NBEA: variants seen among roughly 807,000 people sequenced by gnomAD.
NBEA encodes the protein neurobeachin.
In NBEA, 44 loss-of-function variants were observed where a neutral mutation model predicts 343.4. The observed-to-expected ratio is 0.13, with a 90% CI of 0.10 to 0.16. NBEA has a LOEUF of 0.16. Among genes scored for constraint, NBEA ranks in the 10% least tolerant of loss-of-function variants. NBEA has a pLI of 1.00. For synonymous variants in NBEA, 1,175 were observed against 1,238.7 expected, an observed-to-expected ratio of 0.95 and a Z score of 1.08; for missense variants, 2,555 against 3,631.3, an observed-to-expected ratio of 0.70 and a Z score of 7.62.
At chr13:35,580,751 AT>A (rs1474288181) in intron 45 of NBEA, among the ~76,000 whole-genome samples, 2 of 152,222 alleles carry the variant, frequency 1.3e-5, no homozygotes, top group Non-Finnish European at 2.9e-5. Context: ...TTCTAACCTT[AT>A]TAGGTAAAAA....
In NBEA at chr13:35,584,011, A is replaced by T; in HGVS notation, c.7149A>T (p.Thr2383=). 1.2e-6 allele frequency: 2 copies of T among 1,613,602 alleles called. No homozygotes were observed. The highest frequency in any genetic ancestry group is 2.2e-5 in the East Asian group (1 of 44,834). ...YHYNTHYSTA[T]STLSWLVRIE... ...ATAATACCCATTATTCAACAGCAAC[A>T]TCTACTTTATCCTGGCTTGTTCGAA... Residue 2383 remains threonine (T), a synonymous_variant, in exon 46 of 59, where the codon ACA becomes ACT. Transcript: ENST00000379939.
At chr13:35,648,413 G>T (rs971022933) in intron 51 of NBEA, among the ~76,000 whole-genome samples, 2 of 151,940 alleles carry the variant, frequency 1.3e-5, no homozygotes, top group Admixed American at 6.6e-5. Context: ...CTGTCCAGAA[G>T]AATATCTCTA....
intron 38 of NBEA, among the ~76,000 whole-genome samples, chr13:35,429,866 A>G (rs1393254390): frequency 6.8e-6 from 1 of 147,264 alleles, no homozygotes; most frequent in East Asian, 2.0e-4. Context: ...TCACTGATTG[A>G]TGGGTATTTG....
chr13:35,446,996 ATTG>A (rs1184924561), intron 39 of NBEA, among the ~76,000 whole-genome samples: 7 of 152,050 alleles, frequency 4.6e-5, no homozygotes, highest in Admixed American at 1.3e-4. Flanking sequence ...TAGCTAACCT[ATTG>A]TTGTGAATTA....
At chr13:35,088,440 C>A (rs936822470) in intron 10 of NBEA, among the ~76,000 whole-genome samples, 6 of 151,786 alleles carry the variant, frequency 4.0e-5, no homozygotes, top group Admixed American at 3.3e-4. Flanking sequence ...CCATGGTTAG[C>A]CATAGCCATG....
chr13:35,381,650 A>C (rs1350009858), intron 38 of NBEA, among the ~76,000 whole-genome samples: 1 of 152,078 alleles, frequency 6.6e-6, no homozygotes, highest in Non-Finnish European at 1.5e-5. Flanking sequence ...TCAATCAAGG[A>C]GGATCTTGAA....
intron 1 of NBEA, among the ~76,000 whole-genome samples, chr13:35,032,307 C>T (rs887063148): frequency 6.6e-6 from 1 of 151,734 alleles, no homozygotes; most frequent in Non-Finnish European, 1.5e-5. Context: ...ACTTCACCAG[C>T]ACCTGTTATT....
At chr13:35,097,793 T>C (rs867761729) in intron 10 of NBEA, among the ~76,000 whole-genome samples, 3 of 152,156 alleles carry the variant, frequency 2.0e-5, no homozygotes, top group Middle Eastern at 3.4e-3. Context: ...ACATGTTACA[T>C]ATTTCTCTGG....
At chr13:35,425,429 T>G (rs1237312863) in intron 38 of NBEA, among the ~76,000 whole-genome samples, 1 of 152,184 alleles carries the variant, frequency 6.6e-6, no homozygotes, top group Non-Finnish European at 1.5e-5. Flanking sequence ...AGGAGCAGGT[T>G]GTTCAGTTTC....
At chr13:35,395,420 C>T (rs577110208) in intron 38 of NBEA, among the ~76,000 whole-genome samples, 2 of 151,990 alleles carry the variant, frequency 1.3e-5, no homozygotes, top group Non-Finnish European at 2.9e-5. Context: ...GCTTCCCCTT[C>T]GCCTTCTGCC....
intron 49 of NBEA, among the ~76,000 whole-genome samples, chr13:35,643,952 T>G (rs1004786356): frequency 7.2e-5 from 11 of 152,048 alleles, no homozygotes; most frequent in Non-Finnish European, 1.5e-4. Flanking sequence ...GGGGAGCAGG[T>G]GAAGAAAGAT....
At chr13:35,138,239 T>A (rs1164594744) in intron 17 of NBEA, among the ~76,000 whole-genome samples, 1 of 152,078 alleles carries the variant, frequency 6.6e-6, no homozygotes, top group Non-Finnish European at 1.5e-5. Flanking sequence ...ACCTTAATAG[T>A]AGAAATATAA....
At chr13:35,274,428 G>C (rs2034426866) in intron 34 of NBEA, among the ~76,000 whole-genome samples, 1 of 152,142 alleles carries the variant, frequency 6.6e-6, no homozygotes, top group Admixed American at 6.6e-5. Context: ...GCAAAAACTG[G>C]AAGCATTCCC....
intron 17 of NBEA, among the ~76,000 whole-genome samples, chr13:35,127,794 A>T (rs2067206688): frequency 6.6e-6 from 1 of 152,146 alleles, no homozygotes; most frequent in Non-Finnish European, 1.5e-5. Context: ...AATATTTAAG[A>T]TCTGTATGGA....
In NBEA at chr13:35,316,869, G is replaced by GT. The variant is rs554404470; in HGVS notation, c.5903+7285dup. ...TTTCTCTAATGACGAGGGATGATGAGTTTTTTTTCATATACTTGTTGACCA... is the reference window on the plus strand; with the variant it reads ...TTTCTCTAATGACGAGGGATGATGAGTTTTTTTTTCATATACTTGTTGACCA... On this transcript the variant is annotated intron_variant, in intron 36 of 58. Coordinates refer to ENST00000379939, the MANE Select transcript of NBEA (RefSeq NM_001385012.1). Among the ~76,000 whole-genome samples, 418 of 152,150 alleles carry GT rather than the reference G, an allele frequency of 2.7e-3. 1 individual carries two copies. Among genetic ancestry groups the GT allele is most frequent in the African/African-American group, 9.7e-3 (401 of 41,496 alleles).
At position 35,161,805 on chromosome 13, in the gene NBEA, G is replaced by T. The variant is rs1287005957; in HGVS notation, c.3917G>T (p.Gly1306Val). ...QQDRDLRVDL[G>V]FRGMPMTEEQ... Reference sequence around the variant, plus strand: ...GACCGAGATCTCCGAGTTGATTTAGGATTTCGAGGAATGCCAATGACTGAG... The same window carrying T: ...GACCGAGATCTCCGAGTTGATTTAGTATTTCGAGGAATGCCAATGACTGAG... The change falls in exon 23 of 59, where the codon GGA (glycine) becomes GTA (valine). Residue 1306 changes from glycine (G) to valine (V), a missense_variant. Physicochemically the swap from Gly to Val is moderately radical, Grantham distance 109. Around this residue, in one of 21 missense-constraint regions of NBEA, gnomAD observed 367 missense variants for 377.5 expected, o/e 0.97. Transcript: ENST00000379939. 1 of 1,612,418 alleles carries T rather than the reference G, an allele frequency of 6.2e-7. No homozygotes were observed.
At chr13:35,397,328 T>C (rs973002648) in intron 38 of NBEA, among the ~76,000 whole-genome samples, 6 of 152,212 alleles carry the variant, frequency 3.9e-5, no homozygotes, top group East Asian at 1.9e-4. Context: ...CTTTTCATCA[T>C]TGAGCTGTCA....
Position 35,195,851 on chromosome 13 carries a change from T to C in NBEA, c.4928-13T>C. On this transcript the variant is annotated splice_polypyrimidine_tract_variant and intron_variant, in intron 30 of 58. Transcript: ENST00000379939. ...TTCAAAGCTTTTTTCTAACCTAGTTTCTTTCATTACAGAAACACCTGCTGC... is the reference window on the plus strand; with the variant it reads ...TTCAAAGCTTTTTTCTAACCTAGTTCCTTTCATTACAGAAACACCTGCTGC... The C allele has an allele frequency of 1.3e-6, 2 of 1,554,590 alleles. No homozygotes were observed. The highest frequency in any genetic ancestry group is 1.7e-6 in the Non-Finnish European group (2 of 1,156,610).
chr13:35,176,890 G>C (rs1566413011), intron 27 of NBEA, 106 bp from the exon 28 acceptor site: 2 of 668,354 alleles, frequency 3.0e-6, no homozygotes, highest in South Asian at 3.9e-5. Flanking sequence ...TTAACTCAGA[G>C]AGGTGGAGAT....
Sources: gnomAD v4.1 joint callset for allele counts (sites outside exome capture counted in the v4.1 genomes callset) on GRCh38, gnomAD v4.1.1 for gene constraint, gnomAD v4.1.1 regional missense constraint, MANE v1.5 for transcripts, NCBI Gene and HGNC (gene_info 2026-07-23, HGNC 2026-07-21) for gene names.